PTPN13: variants seen among roughly 807,000 people sequenced by gnomAD.
PTPN13 encodes tyrosine-protein phosphatase non-receptor type 13.
PTPN13 carries 191 observed loss-of-function variants against 284.0 expected under a neutral mutation model. That is an observed-to-expected ratio of 0.67 (90% CI 0.60 to 0.76). The LOEUF (loss-of-function observed/expected upper bound fraction) is 0.76. Ranked by LOEUF, PTPN13 falls within the 30% of genes least tolerant of loss-of-function variation. PTPN13 has a pLI of 0.00. For synonymous variants in PTPN13, 986 were observed against 1,022.3 expected, an observed-to-expected ratio of 0.96 and a Z score of 0.68; for missense variants, 2,797 against 2,939.9, an observed-to-expected ratio of 0.95 and a Z score of 1.12.
intron 14 of PTPN13, 52 bp from the exon 15 acceptor site, chr4:86,735,542 T>A: frequency 6.3e-7 from 1 of 1,583,592 alleles, no homozygotes; most frequent in Non-Finnish European, 8.6e-7. Flanking sequence ...AGGAAAAGGG[T>A]TTACTCCAAT....
chr4:86,664,584 A>G (rs1375277146), intron 2 of PTPN13, among the ~76,000 whole-genome samples: 1 of 152,230 alleles, frequency 6.6e-6, no homozygotes, highest in East Asian at 1.9e-4. Context: ...GAGAAATTAT[A>G]GTTTGTATCC....
intron 35 of PTPN13, among the ~76,000 whole-genome samples, chr4:86,778,462 A>C (rs1360934236): frequency 6.7e-6 from 1 of 148,472 alleles, no homozygotes; most frequent in Non-Finnish European, 1.5e-5. Flanking sequence ...CCCCCCGCCC[A>C]CCCAGGCAAA....
intron 40 of PTPN13, among the ~76,000 whole-genome samples, chr4:86,792,019 C>G (rs935550774): frequency 2.0e-5 from 3 of 152,070 alleles, no homozygotes; most frequent in African/African-American, 7.2e-5. Context: ...GACAAGTTGA[C>G]AGAAATAGAC....
At chr4:86,717,804 A>G (rs1717190553) in intron 9 of PTPN13, among the ~76,000 whole-genome samples, 1 of 152,104 alleles carries the variant, frequency 6.6e-6, no homozygotes, top group South Asian at 2.1e-4. Flanking sequence ...TTCAGTGAGT[A>G]TTTATTTGTT....
At chr4:86,810,558 C>G (rs1745116546) in intron 46 of PTPN13, among the ~76,000 whole-genome samples, 1 of 151,990 alleles carries the variant, frequency 6.6e-6, no homozygotes, top group South Asian at 2.1e-4. Flanking sequence ...TAATTAAAAT[C>G]ATAGTGTCTT....
At chr4:86,654,088 A>G (rs1725446705) in intron 2 of PTPN13, among the ~76,000 whole-genome samples, 1 of 152,172 alleles carries the variant, frequency 6.6e-6, no homozygotes. Context: ...TAAAATTGAC[A>G]CCCTAACATC....
chr4:86,620,983 T>C (rs1411181862), intron 1 of PTPN13, among the ~76,000 whole-genome samples: 1 of 152,224 alleles, frequency 6.6e-6, no homozygotes, highest in African/African-American at 2.4e-5. Context: ...CTGCTATTTT[T>C]ATCTAGAAGC....
chr4:86,775,855 G>T (rs1033196978), intron 35 of PTPN13, among the ~76,000 whole-genome samples: 3 of 152,234 alleles, frequency 2.0e-5, no homozygotes, highest in Admixed American at 6.5e-5. Flanking sequence ...ACATTTATCA[G>T]TTAGGATGTT....
chr4:86,810,772 T>C (rs986892602), intron 46 of PTPN13, among the ~76,000 whole-genome samples: 1 of 152,220 alleles, frequency 6.6e-6, no homozygotes, highest in Non-Finnish European at 1.5e-5. Flanking sequence ...TATTAGAAAT[T>C]AGTCACACTT....
intron 44 of PTPN13, among the ~76,000 whole-genome samples, chr4:86,806,019 T>C (rs1578724631): frequency 6.6e-6 from 1 of 151,200 alleles, no homozygotes; most frequent in East Asian, 2.0e-4. Context: ...TAGCCGAGAG[T>C]GGTGGCTCAT....
intron 17 of PTPN13, 145 bp downstream of exon 17, chr4:86,745,273 A>G (rs922812320): frequency 5.1e-6 from 4 of 783,296 alleles, no homozygotes; most frequent in Non-Finnish European, 7.9e-6. Context: ...TAAAGGTGTT[A>G]CAAGTGAAGC....
At chr4:86,742,996 A>G (rs971621064) in intron 16 of PTPN13, among the ~76,000 whole-genome samples, 5 of 152,180 alleles carry the variant, frequency 3.3e-5, no homozygotes, top group African/African-American at 9.6e-5. Context: ...CCTATATTTA[A>G]TAGCATTCAT....
chr4:86,766,971 G>C (rs1462835129), intron 27 of PTPN13, among the ~76,000 whole-genome samples: 1 of 152,162 alleles, frequency 6.6e-6, no homozygotes, highest in Admixed American at 6.6e-5. Context: ...CCAGGCTGGA[G>C]TGCAGTGGCG....
chr4:86,686,344 G>T (rs1219374981), intron 3 of PTPN13, among the ~76,000 whole-genome samples: 2 of 151,388 alleles, frequency 1.3e-5, no homozygotes, highest in Non-Finnish European at 1.5e-5. Flanking sequence ...GACAGAGCCA[G>T]ACTCTGCCTC....
chr4:86,794,673 C>T (rs1222263772), intron 40 of PTPN13, among the ~76,000 whole-genome samples: 3 of 152,160 alleles, frequency 2.0e-5, no homozygotes, highest in African/African-American at 4.8e-5. Flanking sequence ...GTAACCAAAA[C>T]AGCATGGTAC....
At chr4:86,706,913 ACTAT>A (rs1436810464) in intron 7 of PTPN13, among the ~76,000 whole-genome samples, 3 of 151,778 alleles carry the variant, frequency 2.0e-5, no homozygotes, top group African/African-American at 7.3e-5. Flanking sequence ...TCAGCACAGG[ACTAT>A]CTAATTCTCC....
At chr4:86,768,976 C>G (rs1282454804) in intron 28 of PTPN13, among the ~76,000 whole-genome samples, 1 of 152,102 alleles carries the variant, frequency 6.6e-6, no homozygotes, top group African/African-American at 2.4e-5. Context: ...TCCCAAAATG[C>G]TGGGATTACA....
rs1394546586 is a variant in PTPN13 at position 86,635,336 on chromosome 4, A to G, written c.80A>G (p.Gln27Arg). 5.0e-6 allele frequency: 8 copies of G among 1,603,916 alleles called. No individual in the cohort carries two copies. The highest frequency in any genetic ancestry group is 6.0e-6 in the Non-Finnish European group (7 of 1,175,460). ...QEEEIWAVLN[Q>R]SAESLQELFR... ...GAAGAAATATGGGCTGTATTAAATCAAAGTGCTGAAAGTCTCCAAGAATTA... is the reference window on the plus strand; with the variant it reads ...GAAGAAATATGGGCTGTATTAAATCGAAGTGCTGAAAGTCTCCAAGAATTA... Residue 27 changes from glutamine (Q) to arginine (R), a missense_variant, in exon 2 of 48, where the codon CAA becomes CGA. Gln to Arg is a conservative substitution (Grantham distance 43, BLOSUM62 1). Coordinates refer to ENST00000411767, the MANE Select transcript of PTPN13 (RefSeq NM_080683.3).
At chr4:86,620,905 G>T (rs1721155779) in intron 1 of PTPN13, among the ~76,000 whole-genome samples, 1 of 152,170 alleles carries the variant, frequency 6.6e-6, no homozygotes, top group Non-Finnish European at 1.5e-5. Context: ...TTAGCCAAGT[G>T]TTTAATAGAC....
Sources: allele counts gnomAD v4.1 joint callset (sites outside exome capture counted in the v4.1 genomes callset), GRCh38; gene constraint gnomAD v4.1.1; transcripts MANE v1.5; gene names NCBI Gene and HGNC (gene_info 2026-07-23, HGNC 2026-07-21).